RYR2: variants seen among roughly 807,000 people sequenced by gnomAD.
The protein encoded by RYR2 is cardiac muscle ryanodine receptor-calcium release channel.
RYR2 carries 227 observed loss-of-function variants against 601.1 expected under a neutral mutation model. The ratio of observed to expected loss-of-function variants is 0.38; its 90% CI spans 0.34 to 0.42. The LOEUF (loss-of-function observed/expected upper bound fraction) is 0.42, where lower values mean the gene tolerates loss of function less well. RYR2 is among the 10% of genes least tolerant of loss of function. RYR2 has a pLI of 1.00. For synonymous variants in RYR2, 2,223 were observed against 2,175.1 expected, an observed-to-expected ratio of 1.02 and a Z score of -0.61; for missense variants, 4,646 against 6,156.5, an observed-to-expected ratio of 0.75 and a Z score of 8.21.
intron 1 of RYR2, among the ~76,000 whole-genome samples, chr1:237,151,059 A>G (rs1674656161): frequency 1.3e-5 from 2 of 152,152 alleles, no homozygotes. Flanking sequence ...ATTTTCATCT[A>G]GATTTTAAAT....
intron 10 of RYR2, among the ~76,000 whole-genome samples, chr1:237,399,489 A>G (rs777492624): frequency 6.6e-6 from 1 of 152,154 alleles, no homozygotes; most frequent in Non-Finnish European, 1.5e-5. Context: ...TGGATATAAA[A>G]TACTCCAGGA....
intron 17 of RYR2, among the ~76,000 whole-genome samples, chr1:237,480,530 G>T (rs540502758): frequency 6.6e-6 from 1 of 152,080 alleles, no homozygotes; most frequent in African/African-American, 2.4e-5. Flanking sequence ...GTTGTATAAT[G>T]AACTGCTTTT....
At chr1:237,056,346 C>CCTGCACCTGTGAGGACTGCAGCA (rs1662050320) in intron 1 of RYR2, among the ~76,000 whole-genome samples, 1 of 56,284 alleles carries the variant, frequency 1.8e-5, no homozygotes, top group Non-Finnish European at 3.8e-5. Context: ...GGACTGGAGC[C>CCTGCACCTGTGAGGACTGCAGCA]CTGCACCTGT....
At chr1:237,615,326 G>C (rs1678347341) in intron 37 of RYR2, among the ~76,000 whole-genome samples, 1 of 152,030 alleles carries the variant, frequency 6.6e-6, no homozygotes, top group South Asian at 2.1e-4. Flanking sequence ...ACAGCAGCTG[G>C]GACTGTAGGT....
At chr1:237,361,964 T>C (rs1327987660) in intron 4 of RYR2, among the ~76,000 whole-genome samples, 1 of 152,216 alleles carries the variant, frequency 6.6e-6, no homozygotes, top group African/African-American at 2.4e-5. Flanking sequence ...ACTGAGTGGC[T>C]CATGCTTACA....
At chr1:237,309,941 A>G (rs1694358559) in intron 2 of RYR2, among the ~76,000 whole-genome samples, 2 of 152,172 alleles carry the variant, frequency 1.3e-5, no homozygotes, top group Admixed American at 1.3e-4. Flanking sequence ...CGCCGAGCCC[A>G]CGCTCACCAG....
chr1:237,122,106 GA>G (rs1363520029), intron 1 of RYR2, among the ~76,000 whole-genome samples: 1 of 152,200 alleles, frequency 6.6e-6, no homozygotes, highest in Non-Finnish European at 1.5e-5. Flanking sequence ...AAAATTTGTG[GA>G]AAATGTAGAG....
chr1:237,641,467 G>GTGTT (rs1681472346), intron 47 of RYR2, among the ~76,000 whole-genome samples: 1 of 117,192 alleles, frequency 8.5e-6, no homozygotes, highest in Non-Finnish European at 1.8e-5. Context: ...ATTAGTGTCT[G>GTGTT]TCTGTCTTTC....
rs759271857 is a variant in RYR2, at chr1:237,369,564, C to G, written c.340C>G (p.Leu114Val). 2 of 1,565,298 alleles carry G rather than the reference C, an allele frequency of 1.3e-6. No homozygotes were observed. The highest frequency in any genetic ancestry group is 1.7e-6 in the Non-Finnish European group (2 of 1,153,112). ...TAQGGGHRTL[L>V]YGHAILLRHS... ...TCAAGGTGGTGGTCATCGAACACTCCTCTACGGACATGCCATATTGCTGCG... is the reference window on the plus strand; with the variant it reads ...TCAAGGTGGTGGTCATCGAACACTCGTCTACGGACATGCCATATTGCTGCG... The change falls in exon 6 of 105, where the codon CTC becomes GTC. Residue 114 changes from leucine to valine, a missense_variant. Leu to Val is a conservative substitution (Grantham distance 32, BLOSUM62 1). Coordinates refer to ENST00000366574, the MANE Select transcript of RYR2 (RefSeq NM_001035.3).
chr1:237,682,158 T>C lies in RYR2; in HGVS notation c.9017+1581T>C, dbSNP rs565360710. Among the ~76,000 whole-genome samples, 4 of 152,306 alleles carry C rather than the reference T, an allele frequency of 2.6e-5. No homozygotes were observed. The South Asian group carries it at 8.3e-4, about 32-fold the overall frequency. ...GCATATATCGAAGCATCCAATTGTG[T>C]GTTTTGGGTATATATGATCTGTATT... is the stretch of plus-strand genomic sequence containing the variant. On this transcript the variant is annotated intron_variant, in intron 62 of 104. Coordinates refer to ENST00000366574, the MANE Select transcript of RYR2 (RefSeq NM_001035.3).
intron 47 of RYR2, 112 bp from the exon 48 acceptor site, chr1:237,643,215 C>G: frequency 7.4e-7 from 1 of 1,353,270 alleles, no homozygotes. Flanking sequence ...TTTATGTATA[C>G]ACTGATCAGA....
At chr1:237,677,050 G>A (rs1311432022) in intron 60 of RYR2, among the ~76,000 whole-genome samples, 1 of 152,070 alleles carries the variant, frequency 6.6e-6, no homozygotes, top group Non-Finnish European at 1.5e-5. Flanking sequence ...TCTTTTACTT[G>A]TTCATGGGGA....
intron 3 of RYR2, among the ~76,000 whole-genome samples, chr1:237,351,322 A>G (rs974066491): frequency 2.6e-5 from 4 of 152,114 alleles, no homozygotes; most frequent in Non-Finnish European, 5.9e-5. Context: ...AACCTGGAAA[A>G]TGTAGAAAGA....
At chr1:237,594,886 G>GTTTTTTTTGTTTTGTTTTTTTTTTTTTT (rs1675642723) in intron 33 of RYR2, among the ~76,000 whole-genome samples, 3 of 60,416 alleles carry the variant, frequency 5.0e-5, no homozygotes, top group Non-Finnish European at 5.2e-5. Context: ...ATATCACTGG[G>GTTTTTTTTGTTTTGTTTTTTTTTTTTTT]TTTTTTTTTT....
chr1:237,242,189 C>T (rs1244028415), intron 1 of RYR2, among the ~76,000 whole-genome samples: 2 of 96,070 alleles, frequency 2.1e-5, no homozygotes, highest in Non-Finnish European at 4.5e-5. Context: ...GTATTTTGAT[C>T]ACTGTTTTTT....
chr1:237,340,334 G>C (rs1358323337), intron 3 of RYR2, among the ~76,000 whole-genome samples: 1 of 152,114 alleles, frequency 6.6e-6, no homozygotes, highest in Non-Finnish European at 1.5e-5. Context: ...TGGAGCTAGG[G>C]GGACAGGTAT....
chr1:237,200,371 T>G (rs1024085378), intron 1 of RYR2, among the ~76,000 whole-genome samples: 1 of 152,038 alleles, frequency 6.6e-6, no homozygotes, highest in Admixed American at 6.6e-5. Flanking sequence ...TTCAAGTGAT[T>G]CTCCTGCCTC....
At chr1:237,360,257 G>A (rs1246591564) in intron 4 of RYR2, among the ~76,000 whole-genome samples, 1 of 152,150 alleles carries the variant, frequency 6.6e-6, no homozygotes, top group South Asian at 2.1e-4. Flanking sequence ...TAGAGGGCAG[G>A]CTTTGTATGT....
intron 99 of RYR2, among the ~76,000 whole-genome samples, chr1:237,807,337 AG>A (rs1290070847): frequency 1.3e-5 from 2 of 151,804 alleles, no homozygotes; most frequent in Non-Finnish European, 2.9e-5. Context: ...TTTCTTTTTG[AG>A]GGATCAAATT....
Sources: gnomAD v4.1 joint callset for allele counts (sites outside exome capture counted in the v4.1 genomes callset) on GRCh38, gnomAD v4.1.1 for gene constraint, MANE v1.5 for transcripts, NCBI Gene and HGNC (gene_info 2026-07-23, HGNC 2026-07-21) for gene names.